The following USP37 variants were observed in gnomAD, a reference collection of about 807,000 sequenced individuals.
USP37 encodes the protein ubiquitin carboxyl-terminal hydrolase 37.
USP37 carries 27 observed loss-of-function variants against 124.0 expected under a neutral mutation model. The ratio of observed to expected loss-of-function variants is 0.22; its 90% CI spans 0.16 to 0.30. USP37 has a LOEUF of 0.30. USP37 is among the 10% of genes least tolerant of loss of function. The probability of loss-of-function intolerance (pLI) is 1.00; values close to 1 mark genes in which losing one functional copy is unlikely to be tolerated. For synonymous variants in USP37, 365 were observed against 388.0 expected, an observed-to-expected ratio of 0.94 and a Z score of 0.70; for missense variants, 889 against 1,140.4, an observed-to-expected ratio of 0.78 and a Z score of 3.17.
intron 12 of USP37, 47 bp downstream of exon 12, chr2:218,497,979 T>A: frequency 6.4e-7 from 1 of 1,568,228 alleles, no homozygotes; most frequent in Non-Finnish European, 8.6e-7. Flanking sequence ...TATTCTATAA[T>A]CAATGAAGTA....
rs900317264 is a variant in USP37 at position 218,450,691 on chromosome 2, T to C, written c.*4239A>G. The C allele has an allele frequency of 6.6e-6, 1 of 152,292 alleles. No individual in the cohort carries two copies. Among genetic ancestry groups the C allele is most frequent in the African/African-American group, 2.4e-5 (1 of 41,446 alleles). 9.4% of individuals were successfully genotyped at this position (152,292 alleles called of 1,614,324 possible). On this transcript the variant is annotated 3_prime_UTR_variant, in exon 26 of 26. Coordinates refer to ENST00000258399, the MANE Select transcript of USP37 (RefSeq NM_020935.3). ...CTATTTTTGAAGTAGACCAGTTTAG[T>C]TGACTGTTCTTCTTTGTTCTGGCAT...
rs191267136 is a variant in USP37, at chr2:218,518,024, C to A, written c.864-7884G>T. Among the ~76,000 whole-genome samples, 10 of 152,098 alleles carry A rather than the reference C, an allele frequency of 6.6e-5. No individual in the cohort carries two copies. In the East Asian group the frequency reaches 1.9e-3, roughly 29 times the overall value. ...AGGCTGAAGTGCAGTGACATAATCA[C>A]AGCTCATTGCAGTTTTGACCTCCTG... On this transcript the variant is annotated intron_variant, in intron 10 of 25. Transcript: ENST00000258399.
chr2:218,565,182 C>T (rs915350624), intron 1 of USP37, among the ~76,000 whole-genome samples: 6 of 152,190 alleles, frequency 3.9e-5, no homozygotes, highest in African/African-American at 7.2e-5. Flanking sequence ...CTTGGTCTCC[C>T]GCAATGCTGG....
intron 10 of USP37, among the ~76,000 whole-genome samples, chr2:218,525,572 G>A (rs180910244): frequency 6.6e-6 from 1 of 152,254 alleles, no homozygotes; most frequent in Non-Finnish European, 1.5e-5. Context: ...CTGTTACTCT[G>A]CTAATAATAT....
chr2:218,548,643 G>A (rs981387061), intron 6 of USP37, among the ~76,000 whole-genome samples: 8 of 151,906 alleles, frequency 5.3e-5, no homozygotes, highest in Non-Finnish European at 8.8e-5. Context: ...ACGCCTGGCC[G>A]CATAGTAAGA....
intron 16 of USP37, among the ~76,000 whole-genome samples, chr2:218,483,299 G>A (rs953586297): frequency 2.2e-5 from 3 of 138,314 alleles, no homozygotes; most frequent in African/African-American, 1.0e-4. Flanking sequence ...GTAAAAGGTG[G>A]GGGGGAAGGT....
intron 8 of USP37, among the ~76,000 whole-genome samples, chr2:218,545,311 A>C (rs2106042582): frequency 6.6e-6 from 1 of 152,328 alleles, no homozygotes; most frequent in Non-Finnish European, 1.5e-5. Flanking sequence ...CAGCCTAAGG[A>C]AACAGCATGC....
At chr2:218,525,860 C>A (rs1050503591) in intron 10 of USP37, among the ~76,000 whole-genome samples, 11 of 152,280 alleles carry the variant, frequency 7.2e-5, no homozygotes, top group Non-Finnish European at 1.6e-4. Context: ...CTCCAACAAG[C>A]CCCAGTGTGT....
At chr2:218,535,702 A>G (rs958786097) in intron 8 of USP37, among the ~76,000 whole-genome samples, 3 of 152,064 alleles carry the variant, frequency 2.0e-5, no homozygotes, top group Non-Finnish European at 4.4e-5. Context: ...TAAAAATACA[A>G]TAATTAGCTG....
In USP37 at chr2:218,495,932, T is replaced by C. The variant is rs1689057701; in HGVS notation, c.1300A>G (p.Ser434Gly). ...TCTTTCAGCTGGTCCAAACACTGACTTAAAAATTCATGAGCATCCTAATAA... is the reference window on the plus strand; with the variant it reads ...TCTTTCAGCTGGTCCAAACACTGACCTAAAAATTCATGAGCATCCTAATAA... ...YMQNDAHEFL[S>G]QCLDQLKEDM... is the part of the protein sequence containing the mutation. Residue 434 changes from serine to glycine, a missense_variant, in exon 14 of 26, where the codon AGT becomes GGT. Physicochemically the swap from Ser to Gly is moderately conservative, Grantham distance 56 (BLOSUM62 0). Transcript: ENST00000258399. 2 of 1,609,560 alleles carry C rather than the reference T, an allele frequency of 1.2e-6. No individual in the cohort carries two copies. The highest frequency in any genetic ancestry group is 1.7e-6 in the Non-Finnish European group (2 of 1,179,068).
chr2:218,540,033 T>G (rs912870680), intron 8 of USP37, among the ~76,000 whole-genome samples: 1 of 152,096 alleles, frequency 6.6e-6, no homozygotes, highest in African/African-American at 2.4e-5. Flanking sequence ...TTTTTTTATT[T>G]CTTTGTTGAG....
At chr2:218,500,070 G>GT (rs559732538) in intron 11 of USP37, among the ~76,000 whole-genome samples, 32 of 151,676 alleles carry the variant, frequency 2.1e-4, no homozygotes, top group Admixed American at 1.2e-3. Flanking sequence ...CACCCAGCCT[G>GT]TTTTTTTCGT....
At chr2:218,474,355 C>T (rs1440498599) in intron 20 of USP37, among the ~76,000 whole-genome samples, 1 of 152,008 alleles carries the variant, frequency 6.6e-6, no homozygotes, top group East Asian at 1.9e-4. Flanking sequence ...AGATCCACTT[C>T]ACCTCCCTTT....
At chr2:218,529,379 C>A (rs183811624) in intron 10 of USP37, among the ~76,000 whole-genome samples, 14 of 151,924 alleles carry the variant, frequency 9.2e-5, no homozygotes, top group Admixed American at 3.3e-4. Flanking sequence ...CACCTGTAAT[C>A]CCAGCTATGT....
At chr2:218,485,849 C>G (rs1574867674) in intron 15 of USP37, 106 bp from the exon 16 acceptor site, 8 of 1,248,678 alleles carry the variant, frequency 6.4e-6, no homozygotes, top group Admixed American at 2.4e-5. Context: ...AATGACAACT[C>G]TGAACCAGTT....
At chr2:218,480,512 GAAGTC>G (rs761816174) in intron 17 of USP37, among the ~76,000 whole-genome samples, 1 of 151,238 alleles carries the variant, frequency 6.6e-6, no homozygotes, top group Non-Finnish European at 1.5e-5. Context: ...CACTGGAAAT[GAAGTC>G]AAGTGTAATA....
At chr2:218,458,025 G>C (rs1257836138) in intron 23 of USP37, among the ~76,000 whole-genome samples, 1 of 119,024 alleles carries the variant, frequency 8.4e-6, no homozygotes, top group Non-Finnish European at 1.6e-5. Flanking sequence ...GGGCGACAGA[G>C]CAAGACTCTG....
At chr2:218,468,478 T>C (rs1009917377) in intron 20 of USP37, among the ~76,000 whole-genome samples, 25 of 151,354 alleles carry the variant, frequency 1.7e-4, no homozygotes, top group Non-Finnish European at 2.5e-4. Context: ...CAGCCTTTGC[T>C]TCTCAAAGTG....
chr2:218,543,957 TAG>T (rs1457871012), intron 8 of USP37, among the ~76,000 whole-genome samples: 2 of 152,190 alleles, frequency 1.3e-5, no homozygotes, highest in East Asian at 1.9e-4. Context: ...AAGAGTTAAC[TAG>T]AGAGTCAGTT....
Sources: gnomAD v4.1 joint callset for allele counts (sites outside exome capture counted in the v4.1 genomes callset) on GRCh38, gnomAD v4.1.1 for gene constraint, MANE v1.5 for transcripts, NCBI Gene and HGNC (gene_info 2026-07-23, HGNC 2026-07-21) for gene names.